The following ZEB2 variants were observed in gnomAD, a reference collection of about 807,000 sequenced individuals.
ZEB2 encodes the protein zinc finger E-box binding homeobox 2.
In ZEB2, 6 loss-of-function variants were observed where a neutral mutation model predicts 99.9. The ratio of observed to expected loss-of-function variants is 0.06; its 90% CI spans 0.03 to 0.12. The LOEUF is 0.12. ZEB2 is among the 10% of genes least tolerant of loss of function. The pLI, the probability that ZEB2 is intolerant of heterozygous loss-of-function variation, is 1.00. For missense variants in ZEB2, 969 were observed against 1,502.8 expected, an observed-to-expected ratio of 0.64 and a Z score of 5.87; for synonymous variants, 517 against 542.5, an observed-to-expected ratio of 0.95 and a Z score of 0.65.
chr2:144,400,200 G>T lies in ZEB2; in HGVS notation c.987C>A (p.Ile329=). ...FSHSGSYSSH[I]SSKKCIGLIS... is the part of the protein sequence containing the mutation. ...TTAAACCAATACATTTCTTGCTGCTGATGTGCGAACTGTAGGAACCAGAAT... is the reference window on the plus strand; with the variant it reads ...TTAAACCAATACATTTCTTGCTGCTTATGTGCGAACTGTAGGAACCAGAAT... The change falls in exon 8 of 10, where the codon ATC becomes ATA. Residue 329 remains isoleucine, a synonymous_variant. Coordinates refer to ENST00000627532, the MANE Select transcript of ZEB2 (RefSeq NM_014795.4). 6.2e-7 allele frequency: 1 copy of T among 1,613,876 alleles called. No individual in the cohort carries two copies. The highest frequency in any genetic ancestry group is 8.5e-7 in the Non-Finnish European group (1 of 1,180,022).
chr2:144,435,766 A>T (rs1361454646), intron 2 of ZEB2, among the ~76,000 whole-genome samples: 1 of 152,052 alleles, frequency 6.6e-6, no homozygotes, highest in Admixed American at 6.6e-5. Context: ...TGTCGGGAAG[A>T]CCTTCTAAGA....
intron 2 of ZEB2, among the ~76,000 whole-genome samples, chr2:144,500,479 G>T (rs1198117961): frequency 6.6e-6 from 1 of 152,124 alleles, no homozygotes; most frequent in Non-Finnish European, 1.5e-5. Flanking sequence ...GATTGATACT[G>T]TTCACTCACT....
chr2:144,409,118 C>T (rs1369278754), intron 4 of ZEB2, among the ~76,000 whole-genome samples: 1 of 152,166 alleles, frequency 6.6e-6, no homozygotes, highest in Non-Finnish European at 1.5e-5. Flanking sequence ...GGCCGAGGTG[C>T]ACCTTGCAGT....
chr2:144,440,485 GTATATATATATATATA>G (rs147950352), intron 2 of ZEB2, among the ~76,000 whole-genome samples: 1 of 89,356 alleles, frequency 1.1e-5, no homozygotes, highest in Non-Finnish European at 2.3e-5. Context: ...CCCAAAAGCA[GTATATATATATATATA>G]TATATATATA....
intron 2 of ZEB2, among the ~76,000 whole-genome samples, chr2:144,473,782 A>G (rs749234): frequency 0.61 from 92,154 of 151,976 alleles, 28,683 homozygotes; most frequent in Non-Finnish European, 0.69. Flanking sequence ...AGGCTAAGTC[A>G]TGGTGAATGC....
At chr2:144,421,691 A>AT (rs1467947742) in intron 4 of ZEB2, among the ~76,000 whole-genome samples, 2 of 122,262 alleles carry the variant, frequency 1.6e-5, no homozygotes, top group African/African-American at 6.2e-5. Flanking sequence ...ATCTTTGTTG[A>AT]TTTTCCTCCC....
intron 2 of ZEB2, chr2:144,513,982 C>T: frequency 2.8e-6 from 3 of 1,087,330 alleles, no homozygotes; most frequent in African/African-American, 1.6e-5. Context: ...CTCCTTCCCC[C>T]TCACCCCACT....
chr2:144,442,697 T>A (rs1374298750), intron 2 of ZEB2, among the ~76,000 whole-genome samples: 1 of 152,126 alleles, frequency 6.6e-6, no homozygotes, highest in Non-Finnish European at 1.5e-5. Flanking sequence ...ACATCTTGAT[T>A]TTTTTTGGTG....
chr2:144,477,717 C>T (rs1287556457), intron 2 of ZEB2, among the ~76,000 whole-genome samples: 5 of 152,292 alleles, frequency 3.3e-5, no homozygotes, highest in African/African-American at 9.6e-5. Flanking sequence ...GTGGAGGTAG[C>T]ACCTAGCTCT....
At chr2:144,495,906 G>A (rs1189380369) in intron 2 of ZEB2, 1 of 152,254 alleles carries the variant, frequency 6.6e-6, no homozygotes, top group East Asian at 1.9e-4. Context: ...GCCCACCTCT[G>A]CCATTGTGCA....
intron 2 of ZEB2, among the ~76,000 whole-genome samples, chr2:144,481,753 C>A (rs144414294): frequency 1.3e-5 from 2 of 152,106 alleles, no homozygotes; most frequent in Admixed American, 6.6e-5. Context: ...AATGTGTGCA[C>A]GAGTTACTTT....
chr2:144,410,461 T>A lies in ZEB2; in HGVS notation c.404-5437A>T, dbSNP rs138505764. 7.3e-3 allele frequency among the ~76,000 whole-genome samples: 1,105 copies of A among 152,314 alleles called. 12 individuals are homozygous for A. The highest frequency in any genetic ancestry group is 0.025 in the African/African-American group (1,051 of 41,568). On this transcript the variant is annotated intron_variant, in intron 4 of 9. Coordinates refer to ENST00000627532, the MANE Select transcript of ZEB2 (RefSeq NM_014795.4). ...CAACATAGACTGGCCTTAAAAATTATTGCCTAAAATTCAAGCGATGTTAAC... is the reference window on the plus strand; with the variant it reads ...CAACATAGACTGGCCTTAAAAATTAATGCCTAAAATTCAAGCGATGTTAAC...
At chr2:144,510,707 TC>T (rs1705021140) in intron 2 of ZEB2, among the ~76,000 whole-genome samples, 28 of 152,196 alleles carry the variant, frequency 1.8e-4, no homozygotes, top group Admixed American at 1.5e-3. Context: ...TCTCTCTCTC[TC>T]TCTCTCTCTT....
chr2:144,515,951 T>C (rs1261634656), intron 2 of ZEB2: 1 of 151,846 alleles, frequency 6.6e-6, no homozygotes, highest in African/African-American at 2.4e-5. Context: ...GCGCGCACAA[T>C]TGTCTTCTCT....
At chr2:144,449,949 G>A (rs1024454818) in intron 2 of ZEB2, among the ~76,000 whole-genome samples, 1 of 152,186 alleles carries the variant, frequency 6.6e-6, no homozygotes. Context: ...ACTTTTGGGT[G>A]TTTCAGACAT....
intron 2 of ZEB2, among the ~76,000 whole-genome samples, chr2:144,475,205 C>T (rs1050509434): frequency 7.9e-5 from 12 of 152,120 alleles, no homozygotes; most frequent in African/African-American, 2.4e-4. Flanking sequence ...TTAGTTTATG[C>T]GTTCTCACAT....
At chr2:144,457,044 T>C (rs1283693184) in intron 2 of ZEB2, among the ~76,000 whole-genome samples, 1 of 152,134 alleles carries the variant, frequency 6.6e-6, no homozygotes, top group Admixed American at 6.6e-5. Flanking sequence ...GCAAGATAAA[T>C]GCATATAGAA....
intron 9 of ZEB2, among the ~76,000 whole-genome samples, chr2:144,393,804 G>A (rs1433754967): frequency 6.6e-6 from 1 of 152,240 alleles, no homozygotes; most frequent in African/African-American, 2.4e-5. Context: ...CAAGTTTAGA[G>A]CAACCATTGA....
intron 2 of ZEB2, among the ~76,000 whole-genome samples, chr2:144,431,441 G>T (rs1273068988): frequency 6.6e-6 from 1 of 151,488 alleles, no homozygotes; most frequent in Non-Finnish European, 1.5e-5. Context: ...AGATTACACC[G>T]TGCATATCTG....
Sources: allele counts gnomAD v4.1 joint callset (sites outside exome capture counted in the v4.1 genomes callset), GRCh38; gene constraint gnomAD v4.1.1; transcripts MANE v1.5; gene names NCBI Gene and HGNC (gene_info 2026-07-23, HGNC 2026-07-21).